SLC35F2: variants seen among roughly 807,000 people sequenced by gnomAD.
SLC35F2 encodes queuine/queuosine transporter SLC35F2.
SLC35F2 carries 25 observed loss-of-function variants against 38.1 expected under a neutral mutation model. That is an observed-to-expected ratio of 0.66 (90% CI 0.48 to 0.92). SLC35F2 has a LOEUF of 0.92. SLC35F2 is among the 40% of genes least tolerant of loss of function. The pLI is 0.00. For synonymous variants in SLC35F2, 173 were observed against 181.7 expected (o/e 0.95, Z 0.38); for missense variants, 409 against 452.9 (o/e 0.90, Z 0.88).
intron 3 of SLC35F2, chr11:107,810,651 C>T: frequency 2.0e-6 from 2 of 985,336 alleles, no homozygotes; most frequent in Non-Finnish European, 2.4e-6. Context: ...TTTCCTATCT[C>T]AGCTTTTTAA....
intron 1 of SLC35F2, among the ~76,000 whole-genome samples, chr11:107,838,842 T>C (rs571676794): frequency 3.1e-4 from 47 of 151,584 alleles, no homozygotes; most frequent in Non-Finnish European, 4.9e-4. Flanking sequence ...TTGCCCAAGC[T>C]GGTCTCGAAC....
chr11:107,821,605 A>T (rs1433990687), intron 1 of SLC35F2: 1 of 985,334 alleles, frequency 1.0e-6, no homozygotes, highest in Admixed American at 6.1e-5. Flanking sequence ...GTCCTGGTTC[A>T]TGTGAATTCT....
intron 1 of SLC35F2, among the ~76,000 whole-genome samples, chr11:107,845,340 G>A (rs1421098382): frequency 6.6e-6 from 1 of 152,060 alleles, no homozygotes; most frequent in Admixed American, 6.6e-5. Flanking sequence ...CACTTTGGGA[G>A]GCCAAGGCGG....
At chr11:107,842,257 CAAAAAAA>C (rs541185009) in intron 1 of SLC35F2, among the ~76,000 whole-genome samples, 12 of 37,904 alleles carry the variant, frequency 3.2e-4, no homozygotes, top group African/African-American at 9.7e-4. Flanking sequence ...CTCCGTCTCA[CAAAAAAA>C]AAAAAAAAAA....
At chr11:107,802,913 T>C in intron 7 of SLC35F2, 88 bp downstream of exon 7, 1 of 1,288,184 alleles carries the variant, frequency 7.8e-7, no homozygotes, top group Non-Finnish European at 1.0e-6. Context: ...GAGAAGGTTT[T>C]ATTTTTTGAT....
At chr11:107,857,398 A>G (rs1565444901) in intron 1 of SLC35F2, among the ~76,000 whole-genome samples, 2 of 152,140 alleles carry the variant, frequency 1.3e-5, no homozygotes, top group African/African-American at 4.8e-5. Flanking sequence ...ACTGGAGCAC[A>G]GAGAACTGAC....
rs1859129470 is a variant in SLC35F2, at chr11:107,791,433, AT to A, written c.*1181del. 1 of 152,208 alleles carries A rather than the reference AT, an allele frequency of 6.6e-6. No homozygotes were observed. The highest frequency in any genetic ancestry group is 2.4e-5 in the African/African-American group (1 of 41,458). The allele number at this position is 152,208 out of a possible 1,614,324, so 9.4% of individuals were successfully genotyped here. A position where few individuals can be genotyped will look rare whatever the true frequency, so the allele number is the denominator to read the frequency against. ...GTGAGAAGTTTTTAGAAAGGATGGC[AT>A]CTACATATATATGGAGCTCTGAAAA... On this transcript the variant is annotated 3_prime_UTR_variant, in exon 8 of 8. Coordinates refer to ENST00000525815, the MANE Select transcript of SLC35F2 (RefSeq NM_017515.5).
chr11:107,853,191 C>T (rs902246476), intron 1 of SLC35F2, among the ~76,000 whole-genome samples: 10 of 152,176 alleles, frequency 6.6e-5, no homozygotes, highest in Non-Finnish European at 1.0e-4. Flanking sequence ...TTCATAATCA[C>T]GATCACCTTC....
At chr11:107,800,903 CTTTTT>C (rs71303238) in intron 7 of SLC35F2, among the ~76,000 whole-genome samples, 1,299 of 126,150 alleles carry the variant, frequency 0.01, 33 homozygotes, top group East Asian at 0.034. Flanking sequence ...GCTATTACTA[CTTTTT>C]TTTTTTTTTT....
intron 1 of SLC35F2, among the ~76,000 whole-genome samples, chr11:107,852,376 C>A (rs1452277966): frequency 6.6e-6 from 1 of 151,828 alleles, no homozygotes; most frequent in African/African-American, 2.4e-5. Flanking sequence ...ATGGTGAAAC[C>A]CCGTCTCTAC....
chr11:107,840,965 C>T (rs1860005505), intron 1 of SLC35F2, among the ~76,000 whole-genome samples: 1 of 152,042 alleles, frequency 6.6e-6, no homozygotes, highest in South Asian at 2.1e-4. Context: ...TCATGTCATC[C>T]CTTCTAGTCT....
chr11:107,815,892 A>G lies in SLC35F2; in HGVS notation c.184T>C (p.Tyr62His), dbSNP rs1451261078. Residue 62 changes from tyrosine (Y) to histidine (H), a missense_variant, in exon 2 of 8, where the codon TAT (tyrosine) becomes CAT (histidine). Physicochemically the swap from Tyr to His is moderately conservative, Grantham distance 83 (BLOSUM62 2). Coordinates refer to ENST00000525815, the MANE Select transcript of SLC35F2 (RefSeq NM_017515.5). ...TTCACTTTGTATCTTTCTGCCAAAT[A>G]CTGGCTGGTGATGGCTGTCCCACAT... ...CICGTAITSQ[Y>H]LAERYKVNTP... is the part of the protein sequence containing the mutation. 1.2e-6 allele frequency: 2 copies of G among 1,614,098 alleles called. No homozygotes were observed.
At chr11:107,814,538 G>C (rs1859533363) in intron 2 of SLC35F2, among the ~76,000 whole-genome samples, 1 of 152,050 alleles carries the variant, frequency 6.6e-6, no homozygotes, top group Admixed American at 6.6e-5. Flanking sequence ...GGAGCAGAGG[G>C]ATTTTTAAGG....
chr11:107,809,460 C>CAAAA (rs775009107), intron 3 of SLC35F2, among the ~76,000 whole-genome samples: 1 of 106,224 alleles, frequency 9.4e-6, no homozygotes, highest in Non-Finnish European at 1.9e-5. Context: ...GACTCCACCT[C>CAAAA]AAAAAAAAAA....
intron 1 of SLC35F2, among the ~76,000 whole-genome samples, chr11:107,833,706 C>T (rs1328587443): frequency 6.6e-6 from 1 of 152,148 alleles, no homozygotes; most frequent in Non-Finnish European, 1.5e-5. Context: ...AAACGCCACA[C>T]TCTGAGACGA....
At chr11:107,813,710 G>A (rs1859519484) in intron 2 of SLC35F2, among the ~76,000 whole-genome samples, 1 of 152,030 alleles carries the variant, frequency 6.6e-6, no homozygotes, top group Non-Finnish European at 1.5e-5. Context: ...CTGTCATTTG[G>A]GCTTGACAGC....
chr11:107,823,904 G>A, intron 1 of SLC35F2: 1 of 762,670 alleles, frequency 1.3e-6, no homozygotes, highest in Non-Finnish European at 1.6e-6. Flanking sequence ...ATTCTAGCCT[G>A]GGCGACATAA....
intron 2 of SLC35F2, among the ~76,000 whole-genome samples, chr11:107,813,361 C>T (rs1859513293): frequency 6.6e-6 from 1 of 152,156 alleles, no homozygotes; most frequent in Non-Finnish European, 1.5e-5. Flanking sequence ...AAGAAAATCG[C>T]TTGAACCCAG....
At chr11:107,811,961 G>T (rs541742131) in intron 2 of SLC35F2, among the ~76,000 whole-genome samples, 167 bp from the exon 3 acceptor site, 1 of 152,130 alleles carries the variant, frequency 6.6e-6, no homozygotes, top group East Asian at 1.9e-4. Flanking sequence ...GAGTGCAGTG[G>T]CACAATCTCG....
Sources: gnomAD v4.1 joint callset for allele counts (sites outside exome capture counted in the v4.1 genomes callset) on GRCh38, gnomAD v4.1.1 for gene constraint, MANE v1.5 for transcripts, NCBI Gene and HGNC (gene_info 2026-07-23, HGNC 2026-07-21) for gene names.